GRIK2: variants seen among roughly 807,000 people sequenced by gnomAD.
GRIK2 encodes glutamate ionotropic receptor kainate type subunit 2, also known as glutamate receptor ionotropic, kainate 2.
Under a neutral mutation model 100.3 loss-of-function variants are expected in GRIK2, and 32 were observed. That is an observed-to-expected ratio of 0.32 (90% CI 0.24 to 0.43). The LOEUF (loss-of-function observed/expected upper bound fraction) is 0.43. GRIK2 is among the 20% of genes least tolerant of loss of function. The pLI, the probability that GRIK2 is intolerant of heterozygous loss-of-function variation, is 1.00. For synonymous variants in GRIK2, 417 were observed against 389.4 expected (o/e 1.07, Z -0.83); for missense variants, 843 against 1,114.9 (o/e 0.76, Z 3.47).
At chr6:101,597,245 G>A (rs1029823076) in intron 2 of GRIK2, among the ~76,000 whole-genome samples, 5 of 151,188 alleles carry the variant, frequency 3.3e-5, no homozygotes, top group African/African-American at 1.2e-4. Context: ...AGGAGGGAGG[G>A]GAAGAAAGGT....
chr6:101,505,979 CAAGT>C (rs912363588), intron 2 of GRIK2, among the ~76,000 whole-genome samples: 7 of 151,966 alleles, frequency 4.6e-5, no homozygotes, highest in African/African-American at 1.7e-4. Flanking sequence ...TAACAAATTG[CAAGT>C]AAGTAATCAA....
At chr6:101,687,178 G>C (rs1367714864) in intron 7 of GRIK2, among the ~76,000 whole-genome samples, 1 of 151,920 alleles carries the variant, frequency 6.6e-6, no homozygotes, top group Non-Finnish European at 1.5e-5. Flanking sequence ...TTAATTCAGA[G>C]TAGTCACATT....
intron 12 of GRIK2, among the ~76,000 whole-genome samples, chr6:101,896,249 AG>A (rs1299667752): frequency 6.6e-6 from 1 of 151,692 alleles, no homozygotes; most frequent in East Asian, 1.9e-4. Context: ...TATGGTATTG[AG>A]GTAATTGAGG....
intron 2 of GRIK2, among the ~76,000 whole-genome samples, chr6:101,416,367 T>C (rs1582400236): frequency 1.3e-5 from 2 of 152,192 alleles, no homozygotes; most frequent in South Asian, 4.1e-4. Flanking sequence ...GGCCTGCCTC[T>C]CCCTGCTTGC....
chr6:101,439,740 G>T (rs1769940332), intron 2 of GRIK2, among the ~76,000 whole-genome samples: 1 of 152,004 alleles, frequency 6.6e-6, no homozygotes, highest in Non-Finnish European at 1.5e-5. Context: ...ATCTATATAA[G>T]ATATAGGTAT....
At chr6:101,772,070 G>A (rs1158277254) in intron 7 of GRIK2, among the ~76,000 whole-genome samples, 1 of 152,052 alleles carries the variant, frequency 6.6e-6, no homozygotes, top group Non-Finnish European at 1.5e-5. Flanking sequence ...CTGGATCCAG[G>A]TGCCCAAAGA....
intron 2 of GRIK2, among the ~76,000 whole-genome samples, chr6:101,416,584 A>T (rs1776149693): frequency 6.6e-6 from 1 of 152,216 alleles, no homozygotes; most frequent in Non-Finnish European, 1.5e-5. Flanking sequence ...AATTAAATTG[A>T]ACTTCAAAAA....
At chr6:101,945,056 A>G (rs1791188544) in intron 14 of GRIK2, among the ~76,000 whole-genome samples, 1 of 152,124 alleles carries the variant, frequency 6.6e-6, no homozygotes, top group African/African-American at 2.4e-5. Flanking sequence ...AAGAAAGATG[A>G]ACAAGTTTTA....
intron 7 of GRIK2, among the ~76,000 whole-genome samples, chr6:101,778,029 A>G (rs113050036): frequency 0.033 from 5,088 of 152,212 alleles, 202 homozygotes; most frequent in African/African-American, 0.094. Flanking sequence ...AATGAACTTT[A>G]TGGTTGAATT....
chr6:101,841,597 C>T (rs747484934), intron 10 of GRIK2, among the ~76,000 whole-genome samples: 17 of 152,026 alleles, frequency 1.1e-4, no homozygotes, highest in Non-Finnish European at 1.8e-4. Flanking sequence ...CTCCTGACCT[C>T]GAGTGATCCA....
intron 4 of GRIK2, among the ~76,000 whole-genome samples, chr6:101,657,189 A>G (rs566685674): frequency 6.6e-6 from 1 of 152,200 alleles, no homozygotes; most frequent in South Asian, 2.1e-4. Flanking sequence ...TAATCTCCTT[A>G]ATTCTCATGT....
chr6:102,026,288 T>C (rs1769703159), intron 14 of GRIK2, among the ~76,000 whole-genome samples: 1 of 150,474 alleles, frequency 6.6e-6, no homozygotes, highest in African/African-American at 2.4e-5. Context: ...TCAAAATGGC[T>C]TTAGATGAGT....
At chr6:101,523,446 G>T (rs1419307990) in intron 2 of GRIK2, among the ~76,000 whole-genome samples, 1 of 152,006 alleles carries the variant, frequency 6.6e-6, no homozygotes, top group East Asian at 1.9e-4. Context: ...ACAGCATAAG[G>T]GATACACACT....
chr6:101,469,278 A>T lies in GRIK2; in HGVS notation c.115+69886A>T, dbSNP rs189543806. 5.2e-3 allele frequency among the ~76,000 whole-genome samples: 793 copies of T among 152,258 alleles called. 5 individuals are homozygous for T. Among genetic ancestry groups the T allele is most frequent in the South Asian group, 0.021 (102 of 4,812 alleles). Reference sequence around the variant, plus strand: ...TTTATTGTAAAATTAAAACATGCAAATGAAAAAAAGGAAAAACTGTTACTG... The same window carrying T: ...TTTATTGTAAAATTAAAACATGCAATTGAAAAAAAGGAAAAACTGTTACTG... On this transcript the variant is annotated intron_variant, in intron 2 of 16. Coordinates refer to ENST00000369134, the MANE Select transcript of GRIK2 (RefSeq NM_021956.5).
intron 7 of GRIK2, among the ~76,000 whole-genome samples, chr6:101,696,087 A>C (rs1039601431): frequency 6.6e-6 from 1 of 152,072 alleles, no homozygotes; most frequent in Non-Finnish European, 1.5e-5. Flanking sequence ...ATAAACTATT[A>C]AAATATTAAA....
At chr6:101,746,542 G>T (rs548716836) in intron 7 of GRIK2, among the ~76,000 whole-genome samples, 1 of 152,050 alleles carries the variant, frequency 6.6e-6, no homozygotes, top group South Asian at 2.1e-4. Context: ...GGCCAGGCTG[G>T]TCTTGAACTC....
chr6:101,630,700 A>C (rs1467456991), intron 4 of GRIK2, among the ~76,000 whole-genome samples: 26 of 152,128 alleles, frequency 1.7e-4, no homozygotes, highest in Admixed American at 1.7e-3. Context: ...TCAGCTTCTC[A>C]AAAGAGCAAG....
chr6:101,913,671 G>A (rs2791777), intron 12 of GRIK2, among the ~76,000 whole-genome samples: 128,543 of 151,196 alleles, frequency 0.85, 54,775 homozygotes, highest in East Asian at 0.94. Flanking sequence ...TCCAATAAGT[G>A]AATTATGCTT....
chr6:102,050,267 G>A (rs561049043), intron 15 of GRIK2, among the ~76,000 whole-genome samples: 1 of 151,620 alleles, frequency 6.6e-6, no homozygotes, highest in Non-Finnish European at 1.5e-5. Context: ...AAGGAAGAAG[G>A]AAAAAAGGGG....
Sources: allele counts gnomAD v4.1 joint callset (sites outside exome capture counted in the v4.1 genomes callset), GRCh38; gene constraint gnomAD v4.1.1; transcripts MANE v1.5; gene names NCBI Gene and HGNC (gene_info 2026-07-23, HGNC 2026-07-21).